SELENOF: variants seen among roughly 807,000 people sequenced by gnomAD.
SELENOF encodes selenoprotein F.
SELENOF carries 16 observed loss-of-function variants against 20.5 expected under a neutral mutation model. The ratio of observed to expected loss-of-function variants is 0.78; its 90% CI spans 0.53 to 1.19. SELENOF has a LOEUF of 1.19. SELENOF is among the 50% of genes most tolerant of loss of function. SELENOF has a pLI of 0.00. For synonymous variants in SELENOF, 78 were observed against 74.5 expected, an observed-to-expected ratio of 1.05 and a Z score of -0.24; for missense variants, 215 against 194.2, an observed-to-expected ratio of 1.11 and a Z score of -0.64.
chr1:86,882,268 A>AAG (rs1659094578), intron 2 of SELENOF, among the ~76,000 whole-genome samples: 1 of 143,798 alleles, frequency 7.0e-6, no homozygotes, highest in African/African-American at 2.7e-5. Flanking sequence ...AAAAAAAAAA[A>AAG]AAAGAAAGAA....
At chr1:86,907,737 G>A (rs944250405) in intron 1 of SELENOF, among the ~76,000 whole-genome samples, 15 of 152,072 alleles carry the variant, frequency 9.9e-5, no homozygotes, top group African/African-American at 3.6e-4. Flanking sequence ...TAATCTCAGT[G>A]CTTTGGTAGG....
chr1:86,910,719 A>T (rs1659959339), intron 1 of SELENOF, among the ~76,000 whole-genome samples: 1 of 150,874 alleles, frequency 6.6e-6, no homozygotes, highest in South Asian at 2.1e-4. Context: ...AAAAAAAAAA[A>T]AAGGTTTCAG....
intron 2 of SELENOF, among the ~76,000 whole-genome samples, chr1:86,899,748 AG>A: frequency 6.7e-6 from 1 of 148,754 alleles, no homozygotes; most frequent in Admixed American, 6.6e-5. Flanking sequence ...CTCACTTCCC[AG>A]ACGGGGTGGC....
At chr1:86,866,088 T>C (rs1213779877) in intron 4 of SELENOF, among the ~76,000 whole-genome samples, 2 of 151,236 alleles carry the variant, frequency 1.3e-5, no homozygotes, top group South Asian at 2.1e-4. Context: ...TCTCAGAATC[T>C]TGGGAGGCTG....
intron 2 of SELENOF, among the ~76,000 whole-genome samples, chr1:86,885,938 T>C (rs1311286803): frequency 1.3e-5 from 2 of 152,192 alleles, no homozygotes; most frequent in Non-Finnish European, 2.9e-5. Flanking sequence ...CATCTTTTAT[T>C]ATAAGATTAA....
chr1:86,865,607 A>C (rs1371281140), intron 4 of SELENOF, among the ~76,000 whole-genome samples: 1 of 152,250 alleles, frequency 6.6e-6, no homozygotes, highest in Non-Finnish European at 1.5e-5. Flanking sequence ...CTACTACCAA[A>C]AAACAGAAAA....
At chr1:86,904,324 A>T (rs1016599207) in intron 1 of SELENOF, among the ~76,000 whole-genome samples, 3 of 152,208 alleles carry the variant, frequency 2.0e-5, no homozygotes, top group Non-Finnish European at 4.4e-5. Context: ...CCTCACTCAT[A>T]AATTAAGGGG....
intron 2 of SELENOF, among the ~76,000 whole-genome samples, chr1:86,885,432 A>G (rs547845595): frequency 6.6e-6 from 1 of 152,286 alleles, no homozygotes; most frequent in Non-Finnish European, 1.5e-5. Flanking sequence ...TATAACACTG[A>G]ACAAAGGTGA....
chr1:86,863,403 A>C lies in SELENOF; in HGVS notation c.*71T>G. 1 of 1,356,554 alleles carries C rather than the reference A, an allele frequency of 7.4e-7. No homozygotes were observed. 84.0% of individuals were successfully genotyped at this position (1,356,554 alleles called of 1,614,324 possible). ...GATCAATGGAAGCAAGCAAAACTAA[A>C]TTATTTTCTAGGTGCTGTAATATTT... On this transcript the variant is annotated 3_prime_UTR_variant, in exon 5 of 5. Transcript: ENST00000331835.
Position 86,913,955 on chromosome 1 carries a change from G to T in SELENOF, c.84+73C>A. On this transcript the variant is annotated intron_variant, in intron 1 of 4. Transcript: ENST00000331835. Reference sequence around the variant, plus strand: ...CTCCCCACCCTTTTCAACCAGGACCGAATGTTGCGTCTTTCTCAGCTGCAA... The same window carrying T: ...CTCCCCACCCTTTTCAACCAGGACCTAATGTTGCGTCTTTCTCAGCTGCAA... 2.9e-6 allele frequency: 4 copies of T among 1,392,486 alleles called. No homozygotes were observed. In the Admixed American group the frequency reaches 6.7e-5, roughly 23 times the overall value. 86.3% of individuals were successfully genotyped at this position (1,392,486 alleles called of 1,614,324 possible).
intron 2 of SELENOF, among the ~76,000 whole-genome samples, chr1:86,886,965 T>G (rs981541788): frequency 1.3e-5 from 2 of 152,146 alleles, no homozygotes; most frequent in Non-Finnish European, 2.9e-5. Flanking sequence ...TTTTAAAAAA[T>G]CAACTTTATT....
chr1:86,911,017 T>G (rs954918611), intron 1 of SELENOF, among the ~76,000 whole-genome samples: 15 of 152,244 alleles, frequency 9.9e-5, no homozygotes, highest in African/African-American at 2.9e-4. Context: ...AGTACTACTC[T>G]GTATATGTGT....
chr1:86,905,629 C>T (rs1659809124), intron 1 of SELENOF, among the ~76,000 whole-genome samples: 1 of 152,218 alleles, frequency 6.6e-6, no homozygotes. Flanking sequence ...AGTTGTTTCT[C>T]TGTCTTTCCC....
chr1:86,876,877 A>C (rs546102076), intron 3 of SELENOF, among the ~76,000 whole-genome samples: 1 of 152,374 alleles, frequency 6.6e-6, no homozygotes, highest in East Asian at 1.9e-4. Flanking sequence ...GTCAGGAGGT[A>C]AAACAGTAGA....
chr1:86,905,905 T>C (rs1214448651), intron 1 of SELENOF, among the ~76,000 whole-genome samples: 1 of 152,196 alleles, frequency 6.6e-6, no homozygotes, highest in Non-Finnish European at 1.5e-5. Flanking sequence ...AATGAAACTT[T>C]GCTTCATTTT....
At chr1:86,876,897 C>A (rs1466838403) in intron 3 of SELENOF, among the ~76,000 whole-genome samples, 2 of 152,062 alleles carry the variant, frequency 1.3e-5, no homozygotes, top group Non-Finnish European at 2.9e-5. Context: ...AAAGAGAAGC[C>A]CTATTAGGGT....
intron 2 of SELENOF, among the ~76,000 whole-genome samples, chr1:86,901,996 A>C (rs1013648361): frequency 6.6e-6 from 1 of 152,184 alleles, no homozygotes; most frequent in Non-Finnish European, 1.5e-5. Context: ...GTTGAGTAGT[A>C]GTACAGCCCA....
chr1:86,900,420 C>T (rs1291826154), intron 2 of SELENOF, among the ~76,000 whole-genome samples: 2 of 148,412 alleles, frequency 1.3e-5, no homozygotes, highest in Non-Finnish European at 3.0e-5. Flanking sequence ...ACCCCGTCTC[C>T]ACCAAAAAAA....
rs1369686468 is a variant in SELENOF at position 86,867,988 on chromosome 1, T to TACTTTAA, written c.366+58_366+64dup. ...GGGGGAAACCATTTATTCAAATATTTACTTTAATTATAAAATAAAGAAATT... is the reference window on the plus strand; with the variant it reads ...GGGGGAAACCATTTATTCAAATATTTACTTTAAACTTTAATTATAAAATAAAGAAATT... On this transcript the variant is annotated intron_variant, in intron 4 of 4. Transcript: ENST00000331835. The TACTTTAA allele has an allele frequency of 2.9e-5, 19 of 650,556 alleles. No homozygotes were observed. The Admixed American group carries it at 5.4e-4, about 18-fold the overall frequency. The allele number at this position is 650,556 out of a possible 1,614,324, so 40.3% of individuals were successfully genotyped here. A position where few individuals can be genotyped will look rare whatever the true frequency, so the allele number is the denominator to read the frequency against.
Sources: gnomAD v4.1 joint callset for allele counts (sites outside exome capture counted in the v4.1 genomes callset) on GRCh38, gnomAD v4.1.1 for gene constraint, MANE v1.5 for transcripts, NCBI Gene and HGNC (gene_info 2026-07-23, HGNC 2026-07-21) for gene names.